The following LYZL4 variants were observed in gnomAD, a reference collection of about 807,000 sequenced individuals.
LYZL4 encodes lysozyme-like protein 4.
Under a neutral mutation model 17.6 loss-of-function variants are expected in LYZL4, and 13 were observed. That is an observed-to-expected ratio of 0.74 (90% CI 0.48 to 1.18). The LOEUF (loss-of-function observed/expected upper bound fraction) is 1.18. LYZL4 is among the 50% of genes most tolerant of loss of function. LYZL4 has a pLI of 0.00. For synonymous variants in LYZL4, 64 were observed against 67.7 expected, an observed-to-expected ratio of 0.95 and a Z score of 0.27; for missense variants, 174 against 188.2, an observed-to-expected ratio of 0.92 and a Z score of 0.44.
downstream of LYZL4, chr3:42,397,073 T>C (rs1420339054): frequency 2.0e-6 from 1 of 507,950 alleles, no homozygotes; most frequent in African/African-American, 1.9e-5. Context: ...GCAGAGACCT[T>C]TGGCCCAAGT....
Position 42,407,035 on chromosome 3 carries a change from G to A in LYZL4, c.140-37C>T. 4 of 1,614,016 alleles carry A rather than the reference G, an allele frequency of 2.5e-6. No individual in the cohort carries two copies. In the South Asian group the frequency reaches 3.3e-5, roughly 13 times the overall value. The stretch of plus-strand genomic sequence containing the variant: ...CAGAAGGTGTGTGACTCTGAGGACA[G>A]CTGGAGTTGGGGATGCTTGGCCAGA... On this transcript the variant is annotated intron_variant, in intron 2 of 4. Transcript: ENST00000287748.
At chr3:42,390,372 A>G in the LYZL4 span, among the ~76,000 whole-genome samples, 1 of 152,170 alleles carries the variant, frequency 6.6e-6, no homozygotes, top group African/African-American at 2.4e-5. Context: ...TATGGTGACA[A>G]GGATGAAGTT....
At chr3:42,377,023 C>T in the LYZL4 span, among the ~76,000 whole-genome samples, 65 of 152,220 alleles carry the variant, frequency 4.3e-4, 2 homozygotes, top group Admixed American at 2.9e-3. Flanking sequence ...AATAAATCTT[C>T]CAGAATTTTT....
At chr3:42,399,955 A>G (rs1293193278) in intron 4 of LYZL4, among the ~76,000 whole-genome samples, 1 of 151,576 alleles carries the variant, frequency 6.6e-6, no homozygotes, top group Non-Finnish European at 1.5e-5. Context: ...AACCACCATT[A>G]CTCTTAATGG....
chr3:42,389,633 G>A, the LYZL4 span, among the ~76,000 whole-genome samples: 1 of 152,104 alleles, frequency 6.6e-6, no homozygotes, highest in Non-Finnish European at 1.5e-5. Flanking sequence ...TCGCTCCTAG[G>A]GCTGACTGTA....
chr3:42,379,191 G>A, the LYZL4 span, among the ~76,000 whole-genome samples: 1 of 152,290 alleles, frequency 6.6e-6, no homozygotes, highest in South Asian at 2.1e-4. Flanking sequence ...CAGCTGGATT[G>A]AGGCAGGAAG....
the LYZL4 span, among the ~76,000 whole-genome samples, chr3:42,376,037 C>T: frequency 6.6e-6 from 1 of 152,168 alleles, no homozygotes; most frequent in Admixed American, 6.5e-5. Context: ...CCACAATCCT[C>T]CCCACCTTCA....
At chr3:42,363,833 C>T in the LYZL4 span, among the ~76,000 whole-genome samples, 3 of 152,304 alleles carry the variant, frequency 2.0e-5, no homozygotes, top group Non-Finnish European at 4.4e-5. Context: ...ACTAAGCATT[C>T]GTATGGTGCC....
downstream of LYZL4, chr3:42,397,059 C>G (rs1428042073): frequency 2.1e-6 from 1 of 477,082 alleles, no homozygotes; most frequent in African/African-American, 1.9e-5. Context: ...TAATCATAAT[C>G]AAAGCAGAGA....
the LYZL4 span, among the ~76,000 whole-genome samples, chr3:42,384,993 G>A: frequency 6.6e-6 from 1 of 152,172 alleles, no homozygotes; most frequent in East Asian, 1.9e-4. Context: ...GAAAAATGAA[G>A]GAGTGTTGAT....
the LYZL4 span, among the ~76,000 whole-genome samples, chr3:42,384,707 A>G: frequency 6.6e-6 from 1 of 152,240 alleles, no homozygotes; most frequent in Non-Finnish European, 1.5e-5. Flanking sequence ...AGCTGTGAAG[A>G]GCATTTTCAC....
chr3:42,389,078 T>C, the LYZL4 span, among the ~76,000 whole-genome samples: 1 of 152,248 alleles, frequency 6.6e-6, no homozygotes, highest in Non-Finnish European at 1.5e-5. Flanking sequence ...TCTATTGGCA[T>C]CCAGCTCCAC....
At chr3:42,376,024 A>C in the LYZL4 span, among the ~76,000 whole-genome samples, 1 of 152,158 alleles carries the variant, frequency 6.6e-6, no homozygotes, top group Non-Finnish European at 1.5e-5. Flanking sequence ...CTGCCACCCA[A>C]ATCCACAATC....
the LYZL4 span, among the ~76,000 whole-genome samples, chr3:42,369,786 G>A: frequency 6.6e-6 from 1 of 152,260 alleles, no homozygotes; most frequent in Admixed American, 6.5e-5. Context: ...TGATCTCTTG[G>A]GACCCTGGTC....
downstream of LYZL4, among the ~76,000 whole-genome samples, chr3:42,395,149 C>T (rs1698534297): frequency 6.6e-6 from 1 of 152,144 alleles, no homozygotes; most frequent in Admixed American, 6.5e-5. Flanking sequence ...CGTTACTGAA[C>T]TTGAGTAAAA....
At chr3:42,370,094 G>A in the LYZL4 span, among the ~76,000 whole-genome samples, 1 of 152,124 alleles carries the variant, frequency 6.6e-6, no homozygotes, top group Non-Finnish European at 1.5e-5. Context: ...AGGATGTTCT[G>A]CATCCATCAT....
the LYZL4 span, among the ~76,000 whole-genome samples, chr3:42,378,693 C>T: frequency 6.6e-6 from 1 of 152,170 alleles, no homozygotes; most frequent in Non-Finnish European, 1.5e-5. Flanking sequence ...AGGTGCACTA[C>T]CTTGCAGCCC....
At chr3:42,376,781 A>C in the LYZL4 span, among the ~76,000 whole-genome samples, 12 of 152,332 alleles carry the variant, frequency 7.9e-5, no homozygotes, top group South Asian at 2.1e-4. Flanking sequence ...ATACTGCTGC[A>C]AAAGAGAATC....
chr3:42,363,520 A>G, the LYZL4 span, among the ~76,000 whole-genome samples: 1 of 152,236 alleles, frequency 6.6e-6, no homozygotes, highest in Non-Finnish European at 1.5e-5. Context: ...TGGTGGGTAT[A>G]GGAGTGTTCA....
Sources: gnomAD v4.1 joint callset for allele counts (sites outside exome capture counted in the v4.1 genomes callset) on GRCh38, gnomAD v4.1.1 for gene constraint, MANE v1.5 for transcripts, NCBI Gene and HGNC (gene_info 2026-07-23, HGNC 2026-07-21) for gene names.